Variants in XYLT2 observed in about 807,000 individuals in gnomAD.
XYLT2 encodes UDP-D-xylose:proteoglycan core protein beta-D-xylosyltransferase.
XYLT2 carries 37 observed loss-of-function variants against 82.6 expected under a neutral mutation model. The observed-to-expected ratio is 0.45, with a 90% CI of 0.34 to 0.59. The LOEUF is 0.59. Among genes scored for constraint, XYLT2 ranks in the 20% least tolerant of loss-of-function variants. XYLT2 has a pLI of 0.01. For missense variants in XYLT2, 934 were observed against 1,181.3 expected (o/e 0.79, Z 3.07); for synonymous variants, 474 against 499.0 (o/e 0.95, Z 0.67).
rs1328936475 is a variant in XYLT2, at chr17:50,356,492, C to T, written c.1483-19C>T. On this transcript the variant is annotated intron_variant, in intron 7 of 10. Coordinates refer to ENST00000017003, the MANE Select transcript of XYLT2 (RefSeq NM_022167.4). ...GGGGCTTCCAGAGCCCTTCACCCTC[C>T]TTGCCTCTCCCACTCCAGCAAGTCT... The T allele has an allele frequency of 6.2e-7, 1 of 1,612,372 alleles. No individual in the cohort carries two copies. The highest frequency in any genetic ancestry group is 1.1e-5 in the South Asian group (1 of 90,864).
chr17:50,347,014 G>T, intron 1 of XYLT2: 1 of 873,636 alleles, frequency 1.1e-6, no homozygotes, highest in Middle Eastern at 5.9e-4. Flanking sequence ...CAGAGCCCCA[G>T]CCGCAGAGCA....
intron 1 of XYLT2, among the ~76,000 whole-genome samples, chr17:50,349,551 C>G (rs1439940333): frequency 6.6e-6 from 1 of 152,020 alleles, no homozygotes; most frequent in African/African-American, 2.4e-5. Context: ...GAGTTCGAGA[C>G]CAGCTTGGAT....
intron 1 of XYLT2, among the ~76,000 whole-genome samples, chr17:50,352,999 G>C (rs1054472765): frequency 1.3e-5 from 2 of 152,280 alleles, no homozygotes; most frequent in Middle Eastern, 3.4e-3. Context: ...GCCAGCTCCT[G>C]CCCCATCGTT....
intron 5 of XYLT2, 44 bp from the exon 6 acceptor site, chr17:50,355,737 C>A (rs774277157): frequency 8.7e-6 from 14 of 1,607,844 alleles, no homozygotes; most frequent in Non-Finnish European, 1.1e-5. Flanking sequence ...AGCTTAGACC[C>A]CACCCTGCAG....
chr17:50,356,683 A>T lies in XYLT2; in HGVS notation c.1655A>T (p.Asp552Val), dbSNP rs1435793701. 6.2e-7 allele frequency: 1 copy of T among 1,613,184 alleles called. No individual in the cohort carries two copies. The highest frequency in any genetic ancestry group is 8.5e-7 in the Non-Finnish European group (1 of 1,179,992). Reference protein sequence around the residue: ...DAADGPSGLSDVMLTAYTAFA... With the variant: ...DAADGPSGLSVVMLTAYTAFA... Reference sequence around the variant, plus strand: ...GCTGATGGCCCCAGTGGGCTCAGTGATGTCATGCTCACTGCTTACACAGCC... The same window carrying T: ...GCTGATGGCCCCAGTGGGCTCAGTGTTGTCATGCTCACTGCTTACACAGCC... Residue 552 changes from aspartate (D) to valine (V), a missense_variant, in exon 8 of 11, where the codon GAT becomes GTT. By Grantham distance (152) the Asp-to-Val change is radical. Around this residue, in one of 3 missense-constraint regions of XYLT2, gnomAD observed 374 missense variants for 465.6 expected, o/e 0.80. Transcript: ENST00000017003.
rs9911876 is a variant in XYLT2 at position 50,358,090 on chromosome 17, A to C, written c.1942-117A>C. ...GACCCCTTCATTTTGCAGATGGGGAAACTGAGGCCCAGAAAGAGACAGTGA... is the reference window on the plus strand; with the variant it reads ...GACCCCTTCATTTTGCAGATGGGGACACTGAGGCCCAGAAAGAGACAGTGA... On this transcript the variant is annotated intron_variant, in intron 9 of 10. Coordinates refer to ENST00000017003, the MANE Select transcript of XYLT2 (RefSeq NM_022167.4). 0.011 allele frequency: 10,884 copies of C among 947,340 alleles called. 846 individuals are homozygous for C. The African/African-American group carries it at 0.16, about 14-fold the overall frequency. The allele number at this position is 947,340 out of a possible 1,614,324, so 58.7% of individuals were successfully genotyped here.
rs760295456 is a variant in XYLT2, at chr17:50,358,544, A to G, written c.2275+4A>G. The G allele has an allele frequency of 6.2e-7, 1 of 1,608,680 alleles. No homozygotes were observed. Among genetic ancestry groups the G allele is most frequent in the African/African-American group, 1.3e-5 (1 of 74,874 alleles). ...CGCAAACTACCTCTCAGGAAAGGTAAGCGTGCAGTTCTCAAATGAGGCCCA... is the reference window on the plus strand; with the variant it reads ...CGCAAACTACCTCTCAGGAAAGGTAGGCGTGCAGTTCTCAAATGAGGCCCA... On this transcript the variant is annotated splice_donor_region_variant and intron_variant, in intron 10 of 10. Transcript: ENST00000017003.
rs1471762134 is a variant in XYLT2, at chr17:50,356,124, G to A, written c.1345G>A (p.Glu449Lys). The A allele has an allele frequency of 6.2e-7, 1 of 1,614,238 alleles. No homozygotes were observed. Among genetic ancestry groups the A allele is most frequent in the Admixed American group, 1.7e-5 (1 of 60,026 alleles). The change falls in exon 7 of 11, where the codon GAG becomes AAG. Residue 449 changes from glutamate (E) to lysine (K), a missense_variant. Physicochemically the swap from Glu to Lys is moderately conservative, Grantham distance 56. Transcript: ENST00000017003. ...GGTGCTGGAGAACAGCCTGGCCTGTGAGACCCTCGTGGACAACAACCTGCG... is the reference window on the plus strand; with the variant it reads ...GGTGCTGGAGAACAGCCTGGCCTGTAAGACCCTCGTGGACAACAACCTGCG... ...HTVLENSLAC[E>K]TLVDNNLRVT...
At position 50,360,637 on chromosome 17, in the gene XYLT2, G is replaced by T. The variant is rs1011739458; in HGVS notation, c.*346G>T. 3 of 1,034,720 alleles carry T rather than the reference G, an allele frequency of 2.9e-6. No homozygotes were observed. Among genetic ancestry groups the T allele is most frequent in the Non-Finnish European group, 3.5e-6 (3 of 866,084 alleles). The allele number at this position is 1,034,720 out of a possible 1,614,324, so 64.1% of individuals were successfully genotyped here. On this transcript the variant is annotated 3_prime_UTR_variant, in exon 11 of 11. Transcript: ENST00000017003. ...GGTTGGGAGAGAAACTAGAACAGAA[G>T]ATGTGCAATAGGGCTCAGAGCAGCC...
Position 50,355,999 on chromosome 17 carries a change from T to G in XYLT2, c.1305+2T>G. ...ACATACACACTGCTCCCAGCCGAGG[T>G]GGGTAGCCCAGCAGGCATGAAGGCC... On this transcript the variant is annotated splice_donor_variant, in intron 6 of 10. Coordinates refer to ENST00000017003, the MANE Select transcript of XYLT2 (RefSeq NM_022167.4). LOFTEE classifies it high-confidence loss of function. 1 of 1,614,134 alleles carries G rather than the reference T, an allele frequency of 6.2e-7. No homozygotes were observed. Among genetic ancestry groups the G allele is most frequent in the Non-Finnish European group, 8.5e-7 (1 of 1,180,004 alleles).
In XYLT2 at chr17:50,360,559, TTTC is replaced by T. The variant is rs1479333538; in HGVS notation, c.*271_*273del. 39 of 1,117,798 alleles carry T rather than the reference TTTC, an allele frequency of 3.5e-5. No individual in the cohort carries two copies. The highest frequency in any genetic ancestry group is 4.1e-5 in the Non-Finnish European group (38 of 923,648). The allele number at this position is 1,117,798 out of a possible 1,614,324, so 69.2% of individuals were successfully genotyped here. On this transcript the variant is annotated 3_prime_UTR_variant, in exon 11 of 11. Transcript: ENST00000017003. ...TCCTCACCTTCCTGTCTAGTTTGAA[TTTC>T]TTTTTTTTCTTTTTTTTTTTTTTTT...
In XYLT2 at chr17:50,357,860, G is replaced by A. The variant is rs558304565; in HGVS notation, c.1942-347G>A. 204 of 248,550 alleles carry A rather than the reference G, an allele frequency of 8.2e-4. 2 individuals are homozygous for A. Among genetic ancestry groups the A allele is most frequent in the Middle Eastern group, 7.7e-3 (6 of 784 alleles). The allele number at this position is 248,550 out of a possible 1,614,324, so 15.4% of individuals were successfully genotyped here. On this transcript the variant is annotated intron_variant, in intron 9 of 10. Coordinates refer to ENST00000017003, the MANE Select transcript of XYLT2 (RefSeq NM_022167.4). ...CTCCCAGAGTGCTGGGAATACAAGC[G>A]CAAGCCACCGCGCCTGGCCCCTCCT...
chr17:50,359,604 G>A, intron 10 of XYLT2: 1 of 211,490 alleles, frequency 4.7e-6, no homozygotes, highest in East Asian at 1.1e-4. Flanking sequence ...GGACAAAGCT[G>A]GCCATTGTCT....
rs1912787907 is a variant in XYLT2, at chr17:50,361,056, C to CT, written c.*766dup. 1.0e-6 allele frequency: 1 copy of CT among 985,810 alleles called. No individual in the cohort carries two copies. The highest frequency in any genetic ancestry group is 1.2e-6 in the Non-Finnish European group (1 of 829,956). The allele number at this position is 985,810 out of a possible 1,614,324, so 61.1% of individuals were successfully genotyped here. On this transcript the variant is annotated 3_prime_UTR_variant, in exon 11 of 11. Transcript: ENST00000017003. ...ACATGAGCAGCGTGGGAAGAAGACT[C>CT]TGTCAAGACTCTCAGAAGAACCTGG...
At chr17:50,347,307 G>T (rs567312955) in intron 1 of XYLT2, among the ~76,000 whole-genome samples, 4 of 152,326 alleles carry the variant, frequency 2.6e-5, no homozygotes, top group Admixed American at 6.5e-5. Flanking sequence ...GGCAAGCCCC[G>T]ATACCCGCGA....
At chr17:50,356,925 C>T in intron 8 of XYLT2, 132 bp from the exon 9 acceptor site, 5 of 1,458,608 alleles carry the variant, frequency 3.4e-6, no homozygotes, top group Non-Finnish European at 4.6e-6. Context: ...GCCAGGCATG[C>T]AGGTGCTGTG....
chr17:50,353,587 G>C (rs763526669), intron 1 of XYLT2, 43 bp from the exon 2 acceptor site: 60 of 1,534,098 alleles, frequency 3.9e-5, no homozygotes, highest in Non-Finnish European at 7.0e-6. Flanking sequence ...AACAGGAGGA[G>C]GTGAGGGTCT....
intron 1 of XYLT2, among the ~76,000 whole-genome samples, chr17:50,352,583 G>C (rs921745659): frequency 6.6e-6 from 1 of 152,222 alleles, no homozygotes; most frequent in Non-Finnish European, 1.5e-5. Flanking sequence ...TAGGATGGGG[G>C]AACGGAGGAG....
intron 1 of XYLT2, among the ~76,000 whole-genome samples, chr17:50,352,325 CCT>C (rs945943614): frequency 3.3e-5 from 5 of 152,188 alleles, no homozygotes; most frequent in Non-Finnish European, 7.4e-5. Context: ...CATGGTGGCC[CCT>C]GTTCCTCCGT....
Sources: allele counts gnomAD v4.1 joint callset (sites outside exome capture counted in the v4.1 genomes callset), GRCh38; gene constraint gnomAD v4.1.1; regional missense constraint gnomAD v4.1.1; transcripts MANE v1.5; gene names NCBI Gene and HGNC (gene_info 2026-07-23, HGNC 2026-07-21).